Variants in SSBP2 observed in about 807,000 individuals in gnomAD.
SSBP2 encodes single stranded DNA binding protein 2, also known as single-stranded DNA-binding protein 2.
SSBP2 carries 17 observed loss-of-function variants against 61.8 expected under a neutral mutation model. That is an observed-to-expected ratio of 0.28 (90% CI 0.19 to 0.41). SSBP2 has a LOEUF of 0.41. SSBP2 is among the 10% of genes least tolerant of loss of function. The pLI is 1.00. For missense variants in SSBP2, 310 were observed against 458.7 expected (o/e 0.68, Z 2.96); for synonymous variants, 139 against 141.3 (o/e 0.98, Z 0.12).
At chr5:81,428,956 C>A (rs1432784905) in intron 15 of SSBP2, among the ~76,000 whole-genome samples, 1 of 152,106 alleles carries the variant, frequency 6.6e-6, no homozygotes, top group Non-Finnish European at 1.5e-5. Context: ...CAATTTCCCA[C>A]CCTCAGCTTA....
At chr5:81,545,932 A>G (rs1416898018) in intron 4 of SSBP2, among the ~76,000 whole-genome samples, 1 of 152,216 alleles carries the variant, frequency 6.6e-6, no homozygotes, top group Non-Finnish European at 1.5e-5. Context: ...TGAGCTAGAC[A>G]GATGAAATTT....
At chr5:81,515,246 A>C (rs1683305830) in intron 4 of SSBP2, among the ~76,000 whole-genome samples, 1 of 152,022 alleles carries the variant, frequency 6.6e-6, no homozygotes, top group South Asian at 2.1e-4. Flanking sequence ...CTAGGAAGAA[A>C]GATTTGATCT....
intron 4 of SSBP2, among the ~76,000 whole-genome samples, chr5:81,550,720 A>G (rs914330812): frequency 1.3e-5 from 2 of 152,202 alleles, no homozygotes; most frequent in East Asian, 3.9e-4. Flanking sequence ...TTTGTATTCT[A>G]TGGAATCATA....
At chr5:81,532,497 G>A (rs1379239095) in intron 4 of SSBP2, among the ~76,000 whole-genome samples, 4 of 151,250 alleles carry the variant, frequency 2.6e-5, no homozygotes, top group Admixed American at 2.6e-4. Context: ...ATACTAAAAA[G>A]GACAAAGATT....
Position 81,494,025 on chromosome 5 carries a change from A to T in SSBP2, c.373-4716T>A, listed in dbSNP as rs566139467. Among the ~76,000 whole-genome samples, 17 of 152,366 alleles carry T rather than the reference A, an allele frequency of 1.1e-4. No individual in the cohort carries two copies. In the East Asian group the frequency reaches 2.3e-3, roughly 21 times the overall value. On this transcript the variant is annotated intron_variant, in intron 5 of 16. Transcript: ENST00000320672. The stretch of plus-strand genomic sequence containing the variant: ...CAAGGTTCACAGTCTTGTAATTAAT[A>T]GGAGAAACAATTTCTATAAAAATTC...
chr5:81,599,389 C>G (rs530117476), intron 4 of SSBP2, among the ~76,000 whole-genome samples: 2 of 152,264 alleles, frequency 1.3e-5, no homozygotes, highest in South Asian at 2.1e-4. Context: ...ATTTTTAGCC[C>G]AAGGGAGCCT....
chr5:81,569,180 TAC>T (rs1222792148), intron 4 of SSBP2, among the ~76,000 whole-genome samples: 1 of 152,216 alleles, frequency 6.6e-6, no homozygotes, highest in Admixed American at 6.5e-5. Context: ...ATTTTTAAAT[TAC>T]ATACAGTAAA....
chr5:81,718,004 G>C (rs886358905), intron 1 of SSBP2, among the ~76,000 whole-genome samples: 1 of 152,116 alleles, frequency 6.6e-6, no homozygotes, highest in Non-Finnish European at 1.5e-5. Flanking sequence ...TTCTAACTTT[G>C]TAAGCCCCTG....
intron 1 of SSBP2, among the ~76,000 whole-genome samples, chr5:81,670,192 TTCA>T (rs1751486889): frequency 6.6e-6 from 1 of 152,146 alleles, no homozygotes; most frequent in Non-Finnish European, 1.5e-5. Flanking sequence ...TCAATGTAGG[TTCA>T]TCAATTATAA....
At position 81,501,981 on chromosome 5, in the gene SSBP2, T is replaced by C. The variant is rs575146505; in HGVS notation, c.372+11647A>G. The stretch of plus-strand genomic sequence containing the variant: ...GTTTTTTCTCTGTTCCTCAAAATAG[T>C]TTGTAAGAGCCAACATTTCACTCCT... On this transcript the variant is annotated intron_variant, in intron 5 of 16. Coordinates refer to ENST00000320672, the MANE Select transcript of SSBP2 (RefSeq NM_012446.5). Among the ~76,000 whole-genome samples the C allele has an allele frequency of 4.9e-4, 74 of 152,262 alleles. 2 individuals carry two copies. The highest frequency in any genetic ancestry group is 1.5e-3 in the South Asian group (7 of 4,822).
chr5:81,702,978 C>T (rs1461107778), intron 1 of SSBP2, among the ~76,000 whole-genome samples: 1 of 152,174 alleles, frequency 6.6e-6, no homozygotes, highest in East Asian at 1.9e-4. Flanking sequence ...TACACACATT[C>T]CCCACTATCT....
chr5:81,437,132 C>T (rs1245395544), intron 15 of SSBP2, among the ~76,000 whole-genome samples: 1 of 151,198 alleles, frequency 6.6e-6, no homozygotes, highest in Non-Finnish European at 1.5e-5. Flanking sequence ...GTTTGCTTTA[C>T]AAATAAGTAA....
chr5:81,656,725 C>T (rs10053226), intron 1 of SSBP2, among the ~76,000 whole-genome samples: 8,421 of 130,094 alleles, frequency 0.065, 478 homozygotes, highest in African/African-American at 0.15. Flanking sequence ...GTAAGTAACT[C>T]CAAAAAAAAA....
intron 4 of SSBP2, among the ~76,000 whole-genome samples, chr5:81,519,922 T>A (rs1769331861): frequency 6.6e-6 from 1 of 152,156 alleles, no homozygotes; most frequent in African/African-American, 2.4e-5. Context: ...ATTTGCATTC[T>A]CCAGCCTTTT....
chr5:81,613,870 G>C (rs1052887822), intron 4 of SSBP2, among the ~76,000 whole-genome samples: 12 of 152,130 alleles, frequency 7.9e-5, no homozygotes, highest in African/African-American at 2.9e-4. Context: ...AGGAAAATGA[G>C]GTTGTTCAGA....
intron 1 of SSBP2, among the ~76,000 whole-genome samples, chr5:81,710,003 A>T (rs1269748425): frequency 6.6e-6 from 1 of 152,062 alleles, no homozygotes; most frequent in Non-Finnish European, 1.5e-5. Context: ...CTTAACAACT[A>T]AAATATTCAA....
At chr5:81,667,165 C>T (rs1751205838) in intron 1 of SSBP2, among the ~76,000 whole-genome samples, 1 of 152,146 alleles carries the variant, frequency 6.6e-6, no homozygotes, top group South Asian at 2.1e-4. Flanking sequence ...TTCCAGAACA[C>T]AGTACAAGGA....
At chr5:81,685,690 G>A (rs1396974546) in intron 1 of SSBP2, among the ~76,000 whole-genome samples, 1 of 152,100 alleles carries the variant, frequency 6.6e-6, no homozygotes. Flanking sequence ...AATGGAAAGA[G>A]GTTCCAACTT....
chr5:81,470,466 C>A (rs1174030866), intron 8 of SSBP2, among the ~76,000 whole-genome samples: 2 of 150,888 alleles, frequency 1.3e-5, no homozygotes, highest in Admixed American at 6.6e-5. Context: ...TTGGGGCAAA[C>A]CTTTATTTCT....
Sources: gnomAD v4.1 joint callset for allele counts (sites outside exome capture counted in the v4.1 genomes callset) on GRCh38, gnomAD v4.1.1 for gene constraint, MANE v1.5 for transcripts, NCBI Gene and HGNC (gene_info 2026-07-23, HGNC 2026-07-21) for gene names.